The following OASL variants were observed in gnomAD, a reference collection of about 807,000 sequenced individuals.
OASL encodes 2'-5'-oligoadenylate synthase-like protein.
OASL carries 28 observed loss-of-function variants against 35.3 expected under a neutral mutation model. The observed-to-expected ratio is 0.79, with a 90% CI of 0.59 to 1.09. OASL has a LOEUF of 1.09. Ranked by LOEUF, OASL falls within the 50% of genes least tolerant of loss-of-function variation. The pLI is 0.00. For missense variants in OASL, 620 were observed against 635.2 expected (o/e 0.98, Z 0.26); for synonymous variants, 252 against 254.6 (o/e 0.99, Z 0.10).
chr12:121,020,493 CA>C (rs1469451730), exon 6 of OASL: 1 of 1,480,928 alleles, frequency 6.8e-7, no homozygotes, highest in Non-Finnish European at 9.1e-7. Flanking sequence ...GACAATGGGA[CA>C]GAGTGATTGA....
chr12:121,030,887 G>A (rs558757223), intron 3 of OASL, among the ~76,000 whole-genome samples: 6 of 152,228 alleles, frequency 3.9e-5, no homozygotes, highest in African/African-American at 1.4e-4. Context: ...TGTAATCCCA[G>A]CACTTTGGGA....
chr12:121,024,892 G>A (rs1287197540), intron 4 of OASL, among the ~76,000 whole-genome samples: 1 of 151,430 alleles, frequency 6.6e-6, no homozygotes, highest in Non-Finnish European at 1.5e-5. Flanking sequence ...TAATCTTACA[G>A]CAATTCTATA....
Position 121,020,863 on chromosome 12 carries a change from T to C in OASL, c.1243A>G (p.Lys415Glu), listed in dbSNP as rs773346650. 3.1e-6 allele frequency: 5 copies of C among 1,614,210 alleles called. No individual in the cohort carries two copies. In the South Asian group the frequency reaches 5.5e-5, roughly 18 times the overall value. ...TGAGTGTGGGAGAAGATCCCATATT[T>C]GGCTAAGGAGCACCTGCTGCTGAGA... The change falls in exon 6 of 6, where the codon AAA (lysine) becomes GAA (glutamate). Residue 415 changes from lysine to glutamate, a missense_variant. Physicochemically the swap from Lys to Glu is moderately conservative, Grantham distance 56. Transcript: ENST00000257570.
At chr12:121,023,458 T>G (rs1869337437) in intron 5 of OASL, among the ~76,000 whole-genome samples, 1 of 149,136 alleles carries the variant, frequency 6.7e-6, no homozygotes, top group Admixed American at 7.0e-5. Context: ...CCGCCTAATT[T>G]TGTATTTTTT....
At chr12:121,021,451 G>C (rs1869232445) in intron 5 of OASL, among the ~76,000 whole-genome samples, 1 of 152,222 alleles carries the variant, frequency 6.6e-6, no homozygotes, top group South Asian at 2.1e-4. Context: ...GAGAGCCCCA[G>C]GTGGCTGGAG....
intron 2 of OASL, among the ~76,000 whole-genome samples, chr12:121,032,859 C>T (rs1247171357): frequency 1.3e-5 from 2 of 152,102 alleles, no homozygotes; most frequent in South Asian, 2.1e-4. Flanking sequence ...CTGTGGTTAC[C>T]CAGGCCACCC....
intron 5 of OASL, among the ~76,000 whole-genome samples, chr12:121,021,665 G>C (rs994490620): frequency 6.6e-6 from 1 of 152,156 alleles, no homozygotes; most frequent in African/African-American, 2.4e-5. Context: ...GCAAAAATTA[G>C]CCGGGTGTGG....
At chr12:121,027,778 G>C (rs763458040) in exon 4 of OASL, 1 of 1,614,172 alleles carries the variant, frequency 6.2e-7, no homozygotes. Flanking sequence ...AGAGCATAGA[G>C]AGGGGGCAGA....
At chr12:121,021,145 A>G in intron 5 of OASL, 87 bp from the exon 6 acceptor site, 1 of 1,367,220 alleles carries the variant, frequency 7.3e-7, no homozygotes, top group Non-Finnish European at 9.8e-7. Flanking sequence ...CCTTATCTTT[A>G]CAATAGTAGC....
chr12:121,029,064 G>GA lies in OASL; in HGVS notation c.658-1248dup, dbSNP rs10577200. On this transcript the variant is annotated intron_variant, in intron 3 of 5. Coordinates refer to ENST00000257570, the Ensembl canonical transcript of OASL. Reference sequence around the variant, plus strand: ...TGGGCAAGAGTGAGAACTTGTCTCAGAAAAAAAAAAAAAAAAAAAAAAAGA... The same window carrying GA: ...TGGGCAAGAGTGAGAACTTGTCTCAGAAAAAAAAAAAAAAAAAAAAAAAAGA... 2.6e-3 allele frequency among the ~76,000 whole-genome samples: 273 copies of GA among 105,056 alleles called. 4 individuals are homozygous for GA. In the East Asian group the frequency reaches 0.03, roughly 12 times the overall value. 68.9% of individuals were successfully genotyped at this position (105,056 alleles called of 152,430 possible). A position where few individuals can be genotyped will look rare whatever the true frequency, so the allele number is the denominator to read the frequency against.
chr12:121,029,830 T>G (rs1192657281), intron 3 of OASL, among the ~76,000 whole-genome samples: 1 of 152,232 alleles, frequency 6.6e-6, no homozygotes, highest in Non-Finnish European at 1.5e-5. Context: ...CTTATTTTCT[T>G]CAATATTAGT....
chr12:121,030,528 C>T (rs1869683070), intron 3 of OASL, among the ~76,000 whole-genome samples: 1 of 152,050 alleles, frequency 6.6e-6, no homozygotes, highest in Non-Finnish European at 1.5e-5. Flanking sequence ...TGGATCAAAT[C>T]TTTCCTTCTG....
At chr12:121,023,125 A>C (rs1565903744) in intron 5 of OASL, among the ~76,000 whole-genome samples, 2 of 152,140 alleles carry the variant, frequency 1.3e-5, no homozygotes, top group South Asian at 2.1e-4. Flanking sequence ...GTTTGGCATC[A>C]TATAATAATA....
intron 4 of OASL, 133 bp downstream of exon 4, chr12:121,027,443 G>T: frequency 1.5e-6 from 2 of 1,327,590 alleles, no homozygotes; most frequent in Non-Finnish European, 2.1e-6. Flanking sequence ...GTGTTGGTGT[G>T]GGAGGTCGAT....
At chr12:121,031,380 C>A in intron 3 of OASL, 62 bp downstream of exon 3, 1 of 1,538,902 alleles carries the variant, frequency 6.5e-7, no homozygotes, top group South Asian at 1.1e-5. Context: ...AAAATCAGGC[C>A]CTGCCTTTCC....
chr12:121,027,801 G>A (rs1025027037), exon 4 of OASL: 2 of 1,613,780 alleles, frequency 1.2e-6, no homozygotes, highest in African/African-American at 1.3e-5. Context: ...GGCTCTGGGG[G>A]ACCTGGCTTT....
At chr12:121,038,460 G>A (rs1215548590) in intron 1 of OASL, among the ~76,000 whole-genome samples, 1 of 152,154 alleles carries the variant, frequency 6.6e-6, no homozygotes, top group African/African-American at 2.4e-5. Flanking sequence ...GCATTGTATT[G>A]GTTCTGAGCC....
intron 1 of OASL, among the ~76,000 whole-genome samples, chr12:121,037,818 A>G (rs1359099099): frequency 6.7e-6 from 1 of 150,250 alleles, no homozygotes; most frequent in Non-Finnish European, 1.5e-5. Context: ...CCGGCCAGAC[A>G]TGGTGGCTCA....
At chr12:121,025,592 G>A (rs1256547785) in intron 4 of OASL, among the ~76,000 whole-genome samples, 2 of 151,498 alleles carry the variant, frequency 1.3e-5, no homozygotes, top group Non-Finnish European at 2.9e-5. Context: ...TGGTGAAACC[G>A]TGTCTCTACT....
Sources: gnomAD v4.1 joint callset for allele counts (sites outside exome capture counted in the v4.1 genomes callset) on GRCh38, gnomAD v4.1.1 for gene constraint, MANE v1.5 for transcripts, NCBI Gene and HGNC (gene_info 2026-07-23, HGNC 2026-07-21) for gene names.